The following LGSN variants were observed in gnomAD, a reference collection of about 807,000 sequenced individuals.
LGSN encodes lengsin.
In LGSN, 21 loss-of-function variants were observed where a neutral mutation model predicts 19.5. The ratio of observed to expected loss-of-function variants is 1.07; its 90% CI spans 0.76 to 1.55. The LOEUF (loss-of-function observed/expected upper bound fraction) is 1.55, where lower values mean the gene tolerates loss of function less well. Ranked by LOEUF, LGSN falls within the 40% of genes most tolerant of loss-of-function variation. The probability of loss-of-function intolerance (pLI) is 0.00; values close to 1 mark genes in which losing one functional copy is unlikely to be tolerated. For synonymous variants in LGSN, 257 were observed against 215.6 expected (o/e 1.19, Z -1.68); for missense variants, 673 against 608.5 (o/e 1.11, Z -1.12).
chr6:63,511,858 T>A, the LGSN span, among the ~76,000 whole-genome samples: 1 of 152,166 alleles, frequency 6.6e-6, no homozygotes, highest in Admixed American at 6.5e-5. Context: ...TGTGTACACA[T>A]TTGAAAGACA....
At chr6:63,317,282 A>C (rs1582053980) in intron 1 of LGSN, among the ~76,000 whole-genome samples, 2 of 152,332 alleles carry the variant, frequency 1.3e-5, no homozygotes, top group African/African-American at 4.8e-5. Flanking sequence ...TAATCTCCAC[A>C]AAATCCCTTC....
Position 63,277,935 on chromosome 6 carries a change from A to T in LGSN, c.*2086T>A, listed in dbSNP as rs1424798966. The stretch of plus-strand genomic sequence containing the variant: ...CCCCATCTCTACTAAAAGGCCAGGC[A>T]TGGTAGCAGGCACCTGGGATCCCAG... On this transcript the variant is annotated 3_prime_UTR_variant, in exon 4 of 4. Transcript: ENST00000370657. 6.6e-6 allele frequency: 1 copy of T among 152,322 alleles called. No individual in the cohort carries two copies. Among genetic ancestry groups the T allele is most frequent in the Non-Finnish European group, 1.5e-5 (1 of 68,212 alleles). 9.4% of individuals were successfully genotyped at this position (152,322 alleles called of 1,614,324 possible).
the LGSN span, among the ~76,000 whole-genome samples, chr6:63,559,438 T>C: frequency 6.6e-6 from 1 of 151,960 alleles, no homozygotes; most frequent in African/African-American, 2.4e-5. Context: ...GCAAAAAAAA[T>C]CATTTGGTTT....
At chr6:63,569,586 T>C in the LGSN span, among the ~76,000 whole-genome samples, 1 of 152,232 alleles carries the variant, frequency 6.6e-6, no homozygotes, top group East Asian at 1.9e-4. Context: ...TATAATATTC[T>C]TCTAGTCTTA....
the LGSN span, among the ~76,000 whole-genome samples, chr6:63,390,808 C>T: frequency 1.4e-4 from 21 of 145,672 alleles, no homozygotes; most frequent in East Asian, 3.2e-3. Context: ...TGCAGTGAGC[C>T]GAGATCACGC....
At chr6:63,489,297 G>A in the LGSN span, among the ~76,000 whole-genome samples, 1 of 152,172 alleles carries the variant, frequency 6.6e-6, no homozygotes, top group Non-Finnish European at 1.5e-5. Context: ...ATTTCTGCTG[G>A]AAGTATATCT....
the LGSN span, among the ~76,000 whole-genome samples, chr6:63,393,770 C>G: frequency 6.6e-6 from 1 of 152,158 alleles, no homozygotes; most frequent in East Asian, 1.9e-4. Context: ...ATTAAACCTT[C>G]GCTCTTAAAC....
At chr6:63,552,161 A>G in the LGSN span, among the ~76,000 whole-genome samples, 1 of 152,204 alleles carries the variant, frequency 6.6e-6, no homozygotes, top group Non-Finnish European at 1.5e-5. Context: ...TCCCACCAAC[A>G]GTGTAAAAGT....
chr6:63,528,376 G>A, the LGSN span, among the ~76,000 whole-genome samples: 3 of 151,372 alleles, frequency 2.0e-5, no homozygotes, highest in East Asian at 1.9e-4. Flanking sequence ...TGGGAGAATC[G>A]CTTGAGCCCA....
chr6:63,510,658 G>T, the LGSN span, among the ~76,000 whole-genome samples: 1 of 133,136 alleles, frequency 7.5e-6, no homozygotes, highest in Admixed American at 8.3e-5. Context: ...TTCAAGAAGC[G>T]AATTTTTTTT....
chr6:63,508,455 A>G, the LGSN span, among the ~76,000 whole-genome samples: 1 of 152,226 alleles, frequency 6.6e-6, no homozygotes. Flanking sequence ...GAATTTATGT[A>G]TCTTTATATA....
At chr6:63,440,009 A>G in the LGSN span, among the ~76,000 whole-genome samples, 1 of 152,202 alleles carries the variant, frequency 6.6e-6, no homozygotes, top group Non-Finnish European at 1.5e-5. Context: ...ATTGTCTACT[A>G]TATTCCAGGT....
At chr6:63,464,958 G>A in the LGSN span, among the ~76,000 whole-genome samples, 5 of 150,904 alleles carry the variant, frequency 3.3e-5, no homozygotes, top group Admixed American at 6.6e-5. Context: ...CCTGGGATGC[G>A]GAGGTTGCAG....
the LGSN span, among the ~76,000 whole-genome samples, chr6:63,510,660 A>ATTTTTTT: frequency 1.8e-5 from 2 of 111,978 alleles, no homozygotes; most frequent in African/African-American, 3.5e-5. Flanking sequence ...CAAGAAGCGA[A>ATTTTTTT]TTTTTTTTTT....
the LGSN span, among the ~76,000 whole-genome samples, chr6:63,405,783 T>C: frequency 2.0e-5 from 3 of 152,006 alleles, no homozygotes; most frequent in African/African-American, 7.3e-5. Context: ...AGGAAACCCA[T>C]CTCAAGTGCA....
chr6:63,446,370 G>A, the LGSN span, among the ~76,000 whole-genome samples: 1 of 150,792 alleles, frequency 6.6e-6, no homozygotes, highest in South Asian at 2.1e-4. Context: ...AACATACCAA[G>A]CACATTCCCA....
the LGSN span, among the ~76,000 whole-genome samples, chr6:63,333,647 A>AAGGAGGGGGAAGGGAAG: frequency 6.7e-6 from 1 of 149,218 alleles, no homozygotes; most frequent in African/African-American, 2.5e-5. Context: ...AGAAAAAGGA[A>AAGGAGGGGGAAGGGAAG]AGGAAGGGGA....
the LGSN span, chr6:63,395,515 TGAAG>T: frequency 6.6e-6 from 1 of 152,300 alleles, no homozygotes; most frequent in African/African-American, 2.4e-5. Flanking sequence ...GTGGCTTTAT[TGAAG>T]GACAGGAGTC....
chr6:63,292,770 A>T (rs935419661), intron 2 of LGSN, among the ~76,000 whole-genome samples: 7 of 152,194 alleles, frequency 4.6e-5, no homozygotes, highest in Non-Finnish European at 1.0e-4. Flanking sequence ...CTGATTTTTA[A>T]TCTGTATCCT....
Sources: gnomAD v4.1 joint callset for allele counts (sites outside exome capture counted in the v4.1 genomes callset) on GRCh38, gnomAD v4.1.1 for gene constraint, MANE v1.5 for transcripts, NCBI Gene and HGNC (gene_info 2026-07-23, HGNC 2026-07-21) for gene names.